CENPK: variants seen among roughly 807,000 people sequenced by gnomAD.
The protein encoded by CENPK is centromere protein K.
Under a neutral mutation model 40.9 loss-of-function variants are expected in CENPK, and 46 were observed. The observed-to-expected ratio is 1.13, with a 90% CI of 0.89 to 1.44. CENPK has a LOEUF of 1.44. Among genes scored for constraint, CENPK ranks in the 40% most tolerant of loss-of-function variants. The pLI is 0.00. For synonymous variants in CENPK, 107 were observed against 104.4 expected (o/e 1.02, Z -0.15); for missense variants, 288 against 303.5 (o/e 0.95, Z 0.38).
chr5:65,497,447 C>CA, the CENPK span, among the ~76,000 whole-genome samples: 1 of 152,094 alleles, frequency 6.6e-6, no homozygotes, highest in African/African-American at 2.4e-5. Context: ...ACAATATGGA[C>CA]AATCACAACA....
the CENPK span, among the ~76,000 whole-genome samples, chr5:65,499,907 G>C: frequency 9.9e-6 from 1 of 101,360 alleles, no homozygotes; most frequent in Non-Finnish European, 2.1e-5. Flanking sequence ...CTATGAGTGA[G>C]AATATGCGGT....
the CENPK span, among the ~76,000 whole-genome samples, chr5:65,509,625 A>G: frequency 1.2e-4 from 18 of 152,350 alleles, no homozygotes; most frequent in African/African-American, 4.3e-4. Flanking sequence ...TTGTACGGAC[A>G]TATTTTCAAC....
rs373093411 is a variant in CENPK at position 65,528,907 on chromosome 5, T to C, written c.470+12A>G. 9.5e-5 allele frequency: 136 copies of C among 1,432,794 alleles called. No individual in the cohort carries two copies. Among genetic ancestry groups the C allele is most frequent in the Non-Finnish European group, 1.3e-4 (133 of 1,033,438 alleles). 88.8% of individuals were successfully genotyped at this position (1,432,794 alleles called of 1,614,324 possible). ...TTTCCTATTTTAAAAACCTAGAACA[T>C]AAAATTAATACCTTGATTCAGAAAA... On this transcript the variant is annotated intron_variant, in intron 8 of 10. Coordinates refer to ENST00000396679, the MANE Select transcript of CENPK (RefSeq NM_022145.5).
intron 3 of CENPK, among the ~76,000 whole-genome samples, chr5:65,553,309 G>T (rs764322827): frequency 3.3e-5 from 5 of 150,292 alleles, no homozygotes; most frequent in African/African-American, 1.2e-4. Flanking sequence ...GGAAGAAGAA[G>T]AATTATCTTG....
chr5:65,543,607 G>A (rs1748362781), intron 5 of CENPK, among the ~76,000 whole-genome samples: 1 of 152,088 alleles, frequency 6.6e-6, no homozygotes, highest in Non-Finnish European at 1.5e-5. Flanking sequence ...AACTTTTAAT[G>A]GCTGCATGAT....
At chr5:65,524,510 C>A (rs1223547260) in intron 9 of CENPK, 37 of 144,976 alleles carry the variant, frequency 2.6e-4, no homozygotes, top group Admixed American at 4.1e-4. Flanking sequence ...AAAAAAAAAC[C>A]CCCCCACACA....
the CENPK span, among the ~76,000 whole-genome samples, chr5:65,506,710 G>A: frequency 4.0e-5 from 6 of 151,788 alleles, no homozygotes; most frequent in South Asian, 8.3e-4. Flanking sequence ...TCTTGAATCC[G>A]ATAAGAGGAG....
chr5:65,502,931 G>A, the CENPK span, among the ~76,000 whole-genome samples: 3 of 151,728 alleles, frequency 2.0e-5, no homozygotes, highest in East Asian at 1.9e-4. Context: ...TCAGCCTCCC[G>A]AGTAGCTGGA....
chr5:65,527,282 A>G (rs931030221), intron 9 of CENPK, among the ~76,000 whole-genome samples: 14 of 151,710 alleles, frequency 9.2e-5, no homozygotes, highest in Non-Finnish European at 1.8e-4. Flanking sequence ...TGAGAGGTCA[A>G]TTGGTGACAT....
Position 65,554,837 on chromosome 5 carries a change from A to T in CENPK, c.71T>A (p.Leu24His). The T allele has an allele frequency of 6.2e-7, 1 of 1,602,614 alleles. No individual in the cohort carries two copies. Among genetic ancestry groups the T allele is most frequent in the Non-Finnish European group, 8.5e-7 (1 of 1,169,858 alleles). Residue 24 changes from leucine to histidine, a missense_variant, in exon 3 of 11, where the codon CTT (leucine) becomes CAT (histidine). By Grantham distance (99) the Leu-to-His change is moderately conservative (BLOSUM62 -3). Coordinates refer to ENST00000396679, the MANE Select transcript of CENPK (RefSeq NM_022145.5). ...VGDVTNTEEE[L>H]IRECEEMWKD... ...CCACATTTCTTCACATTCTCTAATAAGTTCTTCTTCAGTATTTGTAACATC... is the reference window on the plus strand; with the variant it reads ...CCACATTTCTTCACATTCTCTAATATGTTCTTCTTCAGTATTTGTAACATC...
Position 65,561,542 on chromosome 5 carries a change from T to A in CENPK, c.-119A>T, listed in dbSNP as rs1445804221. Reference sequence around the variant, plus strand: ...GAACCAGAAAATGATGGCACCCAGATCTTGAATCTCCAGCCTCTAGACCTG... The same window carrying A: ...GAACCAGAAAATGATGGCACCCAGAACTTGAATCTCCAGCCTCTAGACCTG... On this transcript the variant is annotated 5_prime_UTR_variant, in exon 2 of 11. Coordinates refer to ENST00000396679, the MANE Select transcript of CENPK (RefSeq NM_022145.5). The A allele has an allele frequency of 2.2e-6, 1 of 455,936 alleles. No individual in the cohort carries two copies. The highest frequency in any genetic ancestry group is 4.4e-6 in the Non-Finnish European group (1 of 226,766). 28.2% of individuals were successfully genotyped at this position (455,936 alleles called of 1,614,324 possible). A position where few individuals can be genotyped will look rare whatever the true frequency, so the allele number is the denominator to read the frequency against.
At chr5:65,557,113 A>C (rs1396482701) in intron 2 of CENPK, among the ~76,000 whole-genome samples, 3 of 152,196 alleles carry the variant, frequency 2.0e-5, no homozygotes, top group Non-Finnish European at 2.9e-5. Context: ...CCAACTGAAT[A>C]GTCTGAGAAG....
the CENPK span, among the ~76,000 whole-genome samples, chr5:65,498,920 C>T: frequency 6.6e-6 from 1 of 152,080 alleles, no homozygotes; most frequent in South Asian, 2.1e-4. Flanking sequence ...GGGTGTGAGT[C>T]AACATACCCG....
chr5:65,524,215 AGC>A (rs1294228013), intron 9 of CENPK, among the ~76,000 whole-genome samples: 7 of 104,492 alleles, frequency 6.7e-5, no homozygotes, highest in South Asian at 4.3e-4. Context: ...CTCTACTAAA[AGC>A]ATACAAAAAA....
chr5:65,503,612 T>C, the CENPK span, among the ~76,000 whole-genome samples: 7 of 152,108 alleles, frequency 4.6e-5, no homozygotes, highest in African/African-American at 1.7e-4. Flanking sequence ...TTAAAAATAT[T>C]TAGAACTTTT....
At chr5:65,515,512 A>C (rs897621881), downstream of CENPK, among the ~76,000 whole-genome samples, 1 of 152,114 alleles carries the variant, frequency 6.6e-6, no homozygotes, top group East Asian at 1.9e-4. Flanking sequence ...CGCATCTCAC[A>C]AATTTTGATA....
At chr5:65,531,230 T>C (rs1351033615) in intron 6 of CENPK, among the ~76,000 whole-genome samples, 1 of 148,432 alleles carries the variant, frequency 6.7e-6, no homozygotes, top group African/African-American at 2.5e-5. Flanking sequence ...TTATATTAAA[T>C]ATGGTCTAAC....
chr5:65,546,799 G>A (rs183189400), intron 5 of CENPK, among the ~76,000 whole-genome samples: 34 of 152,288 alleles, frequency 2.2e-4, no homozygotes, highest in East Asian at 1.4e-3. Context: ...AGAAACCAAC[G>A]TTATTGACAC....
In CENPK at chr5:65,518,367, G is replaced by T; in HGVS notation, c.*108C>A. Reference sequence around the variant, plus strand: ...GCCATTTTGCAATAAAAGTAAGATGGCCTATGCGCATTAATTTGCAAATAA... The same window carrying T: ...GCCATTTTGCAATAAAAGTAAGATGTCCTATGCGCATTAATTTGCAAATAA... On this transcript the variant is annotated 3_prime_UTR_variant, in exon 11 of 11. Transcript: ENST00000396679. 1.6e-6 allele frequency: 1 copy of T among 608,010 alleles called. No homozygotes were observed. Among genetic ancestry groups the T allele is most frequent in the Non-Finnish European group, 2.5e-6 (1 of 400,032 alleles). The allele number at this position is 608,010 out of a possible 1,614,324, so 37.7% of individuals were successfully genotyped here.
Sources: gnomAD v4.1 joint callset for allele counts (sites outside exome capture counted in the v4.1 genomes callset) on GRCh38, gnomAD v4.1.1 for gene constraint, MANE v1.5 for transcripts, NCBI Gene and HGNC (gene_info 2026-07-23, HGNC 2026-07-21) for gene names.